Variants in SLC25A3 observed in about 807,000 individuals in gnomAD.
SLC25A3 encodes the protein phosphate transport protein.
In SLC25A3, 14 loss-of-function variants were observed where a neutral mutation model predicts 37.1. The ratio of observed to expected loss-of-function variants is 0.38; its 90% CI spans 0.25 to 0.59. SLC25A3 has a LOEUF of 0.59. Among genes scored for constraint, SLC25A3 ranks in the 20% least tolerant of loss-of-function variants. SLC25A3 has a pLI of 0.67. For missense variants in SLC25A3, 385 were observed against 458.1 expected (o/e 0.84, Z 1.46); for synonymous variants, 161 against 168.7 (o/e 0.95, Z 0.36).
chr12:98,596,927 G>C (rs1396495553), intron 3 of SLC25A3, among the ~76,000 whole-genome samples: 1 of 152,148 alleles, frequency 6.6e-6, no homozygotes, highest in African/African-American at 2.4e-5. Flanking sequence ...GCTGAGGCAG[G>C]AGAATCGCTT....
Position 98,601,537 on chromosome 12 carries a change from A to C in SLC25A3, c.*9A>C. The C allele has an allele frequency of 2.6e-6, 4 of 1,560,154 alleles. No individual in the cohort carries two copies. The highest frequency in any genetic ancestry group is 3.5e-6 in the Non-Finnish European group (4 of 1,130,812). ...TTGGGTTAACTCAGTAGTTAGATCA[A>C]AGCAAATGTGGACTGAATCTGCTTG... On this transcript the variant is annotated 3_prime_UTR_variant, in exon 8 of 8. Coordinates refer to ENST00000552981, the MANE Select transcript of SLC25A3 (RefSeq NM_002635.4).
chr12:98,598,040 G>T lies in SLC25A3; in HGVS notation c.459+5G>T, dbSNP rs757132188. On this transcript the variant is annotated splice_donor_5th_base_variant and intron_variant, in intron 4 of 7. Coordinates refer to ENST00000552981, the MANE Select transcript of SLC25A3 (RefSeq NM_002635.4). ...TATAGCAATATGCTTGGAGAGGTAT[G>T]TAATTAACTTTAAAATTGAATGTTC... 1 of 1,612,674 alleles carries T rather than the reference G, an allele frequency of 6.2e-7. No individual in the cohort carries two copies.
intron 6 of SLC25A3, chr12:98,600,942 GTTTATTAAGAATTTTA>G (rs1385860827): frequency 4.4e-6 from 2 of 458,096 alleles, no homozygotes; most frequent in Non-Finnish European, 7.8e-6. Context: ...TTTTGTTGTT[GTTTATTAAGAATTTTA>G]TACAGAAAGT....
chr12:98,598,174 C>A, intron 4 of SLC25A3, 139 bp downstream of exon 4: 1 of 793,790 alleles, frequency 1.3e-6, no homozygotes, highest in South Asian at 1.5e-5. Flanking sequence ...AAATCGTATG[C>A]CTGTGTCAGC....
At chr12:98,601,038 A>G in intron 6 of SLC25A3, 133 bp from the exon 7 acceptor site, 1 of 947,776 alleles carries the variant, frequency 1.1e-6, no homozygotes, top group Admixed American at 2.2e-5. Flanking sequence ...TGATAACTGT[A>G]CCCGTGTCAC....
chr12:98,598,340 A>T, intron 4 of SLC25A3, 182 bp from the exon 5 acceptor site: 2 of 929,464 alleles, frequency 2.2e-6, no homozygotes, highest in Non-Finnish European at 1.6e-6. Flanking sequence ...TTTTTTGAAT[A>T]TTCATGTTGT....
rs948847336 is a variant in SLC25A3 at position 98,602,676 on chromosome 12, G to A, written c.*1148G>A. On this transcript the variant is annotated 3_prime_UTR_variant, in exon 8 of 8. Coordinates refer to ENST00000552981, the MANE Select transcript of SLC25A3 (RefSeq NM_002635.4). ...TTCCCCTTAAGTTTGATTAGGAAGT[G>A]TATAAAAGTTCAATCTTTTGTAATG... The A allele has an allele frequency of 2.6e-5, 4 of 152,046 alleles. No homozygotes were observed. Among genetic ancestry groups the A allele is most frequent in the African/African-American group, 4.8e-5 (2 of 41,364 alleles). 9.4% of individuals were successfully genotyped at this position (152,046 alleles called of 1,614,324 possible).
At chr12:98,594,786 C>G (rs1360955096) in intron 2 of SLC25A3, 4 of 202,472 alleles carry the variant, frequency 2.0e-5, no homozygotes, top group Non-Finnish European at 4.1e-5. Flanking sequence ...TATGTACATA[C>G]AGAGAAACCT....
chr12:98,593,757 C>T lies in SLC25A3; in HGVS notation c.-5+17C>T, dbSNP rs1057524363. On this transcript the variant is annotated intron_variant, in intron 1 of 7. Coordinates refer to ENST00000552981, the MANE Select transcript of SLC25A3 (RefSeq NM_002635.4). ...TCTTAGGGAGTGAGTGTGGCCGGGCCTTCTCCTGTGGCGGGTGTGGGGAGC... is the reference window on the plus strand; with the variant it reads ...TCTTAGGGAGTGAGTGTGGCCGGGCTTTCTCCTGTGGCGGGTGTGGGGAGC... 2.3e-5 allele frequency: 14 copies of T among 610,948 alleles called. No individual in the cohort carries two copies. Among genetic ancestry groups the T allele is most frequent in the Non-Finnish European group, 3.5e-5 (12 of 343,322 alleles). 37.8% of individuals were successfully genotyped at this position (610,948 alleles called of 1,614,324 possible). A position where few individuals can be genotyped will look rare whatever the true frequency, so the allele number is the denominator to read the frequency against.
intron 3 of SLC25A3, among the ~76,000 whole-genome samples, chr12:98,597,135 A>G (rs145108834): frequency 1.3e-5 from 2 of 152,314 alleles, no homozygotes; most frequent in African/African-American, 4.8e-5. Flanking sequence ...TCACTCCAAG[A>G]CTTAAGTTTG....
Position 98,601,747 on chromosome 12 carries a change from A to G in SLC25A3, c.*219A>G. 1.8e-6 allele frequency: 1 copy of G among 548,438 alleles called. No individual in the cohort carries two copies. The highest frequency in any genetic ancestry group is 3.2e-6 in the Non-Finnish European group (1 of 308,234). The allele number at this position is 548,438 out of a possible 1,614,324, so 34.0% of individuals were successfully genotyped here. A position where few individuals can be genotyped will look rare whatever the true frequency, so the allele number is the denominator to read the frequency against. ...TATTTTTAAAACTTTTTTAAAAAAG[A>G]TTTAGCTTTAAAATAGTTGGAAAGA... On this transcript the variant is annotated 3_prime_UTR_variant, in exon 8 of 8. Coordinates refer to ENST00000552981, the MANE Select transcript of SLC25A3 (RefSeq NM_002635.4).
intron 3 of SLC25A3, 92 bp downstream of exon 3, chr12:98,595,940 CT>C: frequency 8.6e-7 from 1 of 1,168,298 alleles, no homozygotes; most frequent in Non-Finnish European, 1.3e-6. Flanking sequence ...ATCACAACTG[CT>C]AGAAACTTCA....
At chr12:98,595,293 T>C in intron 2 of SLC25A3, 1 of 831,380 alleles carries the variant, frequency 1.2e-6, no homozygotes, top group East Asian at 2.5e-5. Context: ...CAGTGAATTT[T>C]TTTTTAAGCC....
Position 98,597,729 on chromosome 12 carries a change from T to C in SLC25A3, c.280-127T>C. On this transcript the variant is annotated intron_variant, in intron 3 of 7. Transcript: ENST00000552981. The stretch of plus-strand genomic sequence containing the variant: ...GTGAGCCACCGTGCCTGGCAGGAAT[T>C]ACTGTAGTTACCTTTTGTGTAGTTG... 2.2e-6 allele frequency: 3 copies of C among 1,348,936 alleles called. No homozygotes were observed. The East Asian group carries it at 7.5e-5, about 34-fold the overall frequency. The allele number at this position is 1,348,936 out of a possible 1,614,324, so 83.6% of individuals were successfully genotyped here. A position where few individuals can be genotyped will look rare whatever the true frequency, so the allele number is the denominator to read the frequency against.
rs568877839 is a variant in SLC25A3, at chr12:98,598,759, A to ATTTTTTTTTGTT, written c.641+71_641+82dup. ...AAAGTACTTATTTTAAGTGAACTTCATTTTTTTTTGTTTTTTTTTTTGTTT... is the reference window on the plus strand; with the variant it reads ...AAAGTACTTATTTTAAGTGAACTTCATTTTTTTTTGTTTTTTTTTTTGTTTTTTTTTTTGTTT... On this transcript the variant is annotated intron_variant, in intron 5 of 7. Transcript: ENST00000552981. The ATTTTTTTTTGTT allele has an allele frequency of 3.5e-6, 5 of 1,420,742 alleles. No homozygotes were observed. The Admixed American group carries it at 6.1e-5, about 17-fold the overall frequency. 88.0% of individuals were successfully genotyped at this position (1,420,742 alleles called of 1,614,324 possible).
rs541563948 is a variant in SLC25A3 at position 98,594,228 on chromosome 12, A to G, written c.157+93A>G. ...GACCCGGCTTGGAGGACAGGGAAGGACGAGTCCAGCCCGCTGCACCGTAGG... is the reference window on the plus strand; with the variant it reads ...GACCCGGCTTGGAGGACAGGGAAGGGCGAGTCCAGCCCGCTGCACCGTAGG... On this transcript the variant is annotated intron_variant, in intron 2 of 7. Coordinates refer to ENST00000552981, the MANE Select transcript of SLC25A3 (RefSeq NM_002635.4). 2.8e-6 allele frequency: 3 copies of G among 1,077,164 alleles called. No individual in the cohort carries two copies. In the East Asian group the frequency reaches 7.7e-5, roughly 28 times the overall value. The allele number at this position is 1,077,164 out of a possible 1,614,324, so 66.7% of individuals were successfully genotyped here.
chr12:98,601,513 T>G lies in SLC25A3; in HGVS notation c.1071T>G (p.Leu357=). The change falls in exon 8 of 8, where the codon CTT becomes CTG. Residue 357 remains leucine (L), a synonymous_variant. Transcript: ENST00000552981. ...TGCCAGAGTCTCTGAAGAAGAAGCT[T>G]GGGTTAACTCAGTAGTTAGATCAAA... The part of the protein sequence containing the change: ...PEMPESLKKK[L]GLTQ 6.2e-7 allele frequency: 1 copy of G among 1,612,242 alleles called. No homozygotes were observed. The highest frequency in any genetic ancestry group is 8.5e-7 in the Non-Finnish European group (1 of 1,178,310).
intron 2 of SLC25A3, 84 bp downstream of exon 2, chr12:98,594,219 C>T: frequency 8.6e-7 from 1 of 1,166,850 alleles, no homozygotes; most frequent in South Asian, 1.3e-5. Flanking sequence ...GCTTGGAGGA[C>T]AGGGAAGGAC....
At position 98,602,162 on chromosome 12, in the gene SLC25A3, A is replaced by G. The variant is rs2097598396; in HGVS notation, c.*634A>G. ...TCAGGTACACTAATTCTCTTTACAC[A>G]GATCTGACTTTTTTTTTTTTTGAGA... On this transcript the variant is annotated 3_prime_UTR_variant, in exon 8 of 8. Transcript: ENST00000552981. 2 of 152,618 alleles carry G rather than the reference A, an allele frequency of 1.3e-5. No individual in the cohort carries two copies. The highest frequency in any genetic ancestry group is 1.3e-4 in the Admixed American group (2 of 15,278). 9.5% of individuals were successfully genotyped at this position (152,618 alleles called of 1,614,324 possible).
Sources: gnomAD v4.1 joint callset for allele counts (sites outside exome capture counted in the v4.1 genomes callset) on GRCh38, gnomAD v4.1.1 for gene constraint, MANE v1.5 for transcripts, NCBI Gene and HGNC (gene_info 2026-07-23, HGNC 2026-07-21) for gene names.